The following ITGB6 variants were observed in gnomAD, a reference collection of about 807,000 sequenced individuals.
ITGB6 encodes the protein integrin beta-6.
In ITGB6, 80 loss-of-function variants were observed where a neutral mutation model predicts 84.5. The observed-to-expected ratio is 0.95, with a 90% CI of 0.79 to 1.14. ITGB6 has a LOEUF of 1.14. ITGB6 is among the 50% of genes most tolerant of loss of function. The pLI is 0.00. For synonymous variants in ITGB6, 383 were observed against 354.9 expected (o/e 1.08, Z -0.89); for missense variants, 1,006 against 968.0 (o/e 1.04, Z -0.52).
chr2:160,138,658 A>G (rs987734076), intron 8 of ITGB6, among the ~76,000 whole-genome samples: 4 of 152,200 alleles, frequency 2.6e-5, no homozygotes, highest in African/African-American at 9.6e-5. Flanking sequence ...CTTAGCTCCC[A>G]TAAATCAGCT....
At position 160,107,662 on chromosome 2, in the gene ITGB6, C is replaced by CA; in HGVS notation, c.2268+16_2268+17insT. On this transcript the variant is annotated intron_variant, in intron 14 of 14. Coordinates refer to ENST00000283249, the MANE Select transcript of ITGB6 (RefSeq NM_000888.5). ...CTTTCTCCCCTAGACAAGGAGTAGC[C>CA]CTAAGTTTCCACATACCGTTTGCCA... 1 of 1,613,166 alleles carries CA rather than the reference C, an allele frequency of 6.2e-7. No individual in the cohort carries two copies. The highest frequency in any genetic ancestry group is 8.5e-7 in the Non-Finnish European group (1 of 1,179,246).
At chr2:160,151,085 A>G (rs1056895084) in intron 7 of ITGB6, among the ~76,000 whole-genome samples, 6 of 152,156 alleles carry the variant, frequency 3.9e-5, no homozygotes, top group African/African-American at 1.4e-4. Context: ...CAGCTCTGCA[A>G]CAAGCAGACC....
At chr2:160,125,895 G>C (rs981487020) in intron 11 of ITGB6, among the ~76,000 whole-genome samples, 1 of 152,160 alleles carries the variant, frequency 6.6e-6, no homozygotes, top group African/African-American at 2.4e-5. Flanking sequence ...GGAGAGAATT[G>C]AAAGCTAAGA....
At chr2:160,121,283 A>G (rs986838803) in intron 12 of ITGB6, among the ~76,000 whole-genome samples, 6 of 152,324 alleles carry the variant, frequency 3.9e-5, no homozygotes, top group African/African-American at 7.2e-5. Context: ...TCCCCTTGCC[A>G]TTCCTGATGA....
At chr2:160,197,483 G>A (rs1686389953) in intron 2 of ITGB6, among the ~76,000 whole-genome samples, 2 of 152,056 alleles carry the variant, frequency 1.3e-5, no homozygotes, top group South Asian at 4.2e-4. Context: ...CTTTAGAGTG[G>A]GCATGACACT....
At chr2:160,185,403 G>A (rs1257651216) in intron 4 of ITGB6, among the ~76,000 whole-genome samples, 1 of 152,078 alleles carries the variant, frequency 6.6e-6, no homozygotes, top group Non-Finnish European at 1.5e-5. Flanking sequence ...ACAATACCTA[G>A]GAATCCAACT....
At chr2:160,166,391 G>T (rs890086265) in intron 7 of ITGB6, among the ~76,000 whole-genome samples, 11 of 152,110 alleles carry the variant, frequency 7.2e-5, no homozygotes, top group Admixed American at 5.9e-4. Flanking sequence ...AATAGCTATA[G>T]GATATTTTAA....
intron 7 of ITGB6, 73 bp from the exon 8 acceptor site, chr2:160,142,144 C>T: frequency 2.1e-6 from 2 of 942,178 alleles, no homozygotes; most frequent in South Asian, 1.5e-5. Flanking sequence ...TTTGAGCCTG[C>T]TGGCTATGAT....
chr2:160,185,125 G>C (rs1212261738), intron 4 of ITGB6, among the ~76,000 whole-genome samples: 1 of 152,102 alleles, frequency 6.6e-6, no homozygotes, highest in African/African-American at 2.4e-5. Flanking sequence ...GGAAGTTTTG[G>C]CCAGGGCAAT....
In ITGB6 at chr2:160,172,628, G is replaced by A. The variant is rs775695114; in HGVS notation, c.862C>T (p.Pro288Ser). ...MDSKLAGIVI[P>S]NDGLCHLDSK... Reference sequence around the variant, plus strand: ...TCCAAGTGACAGAGCCCGTCATTAGGAATGACGATGCCTGCTAGTTTGCTG... The same window carrying A: ...TCCAAGTGACAGAGCCCGTCATTAGAAATGACGATGCCTGCTAGTTTGCTG... The change falls in exon 6 of 15, where the codon CCT becomes TCT. Residue 288 changes from proline (P) to serine (S), a missense_variant. Physicochemically the swap from Pro to Ser is moderately conservative, Grantham distance 74 (BLOSUM62 -1). Transcript: ENST00000283249. The A allele has an allele frequency of 6.2e-7, 1 of 1,611,854 alleles. No homozygotes were observed. The highest frequency in any genetic ancestry group is 1.1e-5 in the South Asian group (1 of 90,938).
At chr2:160,118,823 A>G (rs1055774842) in intron 12 of ITGB6, among the ~76,000 whole-genome samples, 2 of 152,118 alleles carry the variant, frequency 1.3e-5, no homozygotes, top group Non-Finnish European at 2.9e-5. Flanking sequence ...AAAATCTCAG[A>G]ATACAAAATC....
intron 5 of ITGB6, among the ~76,000 whole-genome samples, chr2:160,173,669 G>T (rs1333475245): frequency 2.6e-5 from 4 of 152,000 alleles, no homozygotes; most frequent in Non-Finnish European, 4.4e-5. Flanking sequence ...TTTTTATCAT[G>T]ATTAATCCAA....
intron 14 of ITGB6, among the ~76,000 whole-genome samples, chr2:160,107,222 T>C (rs988317943): frequency 6.6e-6 from 1 of 152,222 alleles, no homozygotes; most frequent in African/African-American, 2.4e-5. Flanking sequence ...TGTAACCTAT[T>C]ATATCAGAAA....
intron 10 of ITGB6, among the ~76,000 whole-genome samples, chr2:160,134,483 G>T (rs1427747121): frequency 6.6e-6 from 1 of 152,140 alleles, no homozygotes; most frequent in African/African-American, 2.4e-5. Context: ...GGTACAAGGA[G>T]GAGCTGGTAC....
chr2:160,137,656 C>A lies in ITGB6; in HGVS notation c.1438G>T (p.Ala480Ser), dbSNP rs760699404. 9 of 1,614,206 alleles carry A rather than the reference C, an allele frequency of 5.6e-6. No homozygotes were observed. Among genetic ancestry groups the A allele is most frequent in the Non-Finnish European group, 6.8e-6 (8 of 1,180,028 alleles). Residue 480 changes from alanine to serine, a missense_variant, in exon 10 of 15, where the codon GCC becomes TCC. By Grantham distance (99) the Ala-to-Ser change is moderately conservative (BLOSUM62 1). Transcript: ENST00000283249. ...GGCCCCATGTGGCCAGGGTGGCAGGCACACACCCCACACTGGAAAGAGCCG... is the reference window on the plus strand; with the variant it reads ...GGCCCCATGTGGCCAGGGTGGCAGGAACACACCCCACACTGGAAAGAGCCG... ...GNGSFQCGVCACHPGHMGPRC... is the reference protein window; with the variant it reads ...GNGSFQCGVCSCHPGHMGPRC...
intron 10 of ITGB6, among the ~76,000 whole-genome samples, chr2:160,131,875 C>A (rs1683482509): frequency 6.6e-6 from 1 of 152,104 alleles, no homozygotes. Flanking sequence ...TAGTTTATTT[C>A]TGTTCCTCAT....
intron 11 of ITGB6, among the ~76,000 whole-genome samples, chr2:160,126,123 C>T (rs1683230304): frequency 6.6e-6 from 1 of 152,186 alleles, no homozygotes; most frequent in Admixed American, 6.5e-5. Flanking sequence ...GACATCAGCT[C>T]TACTTCCCCA....
chr2:160,112,256 T>C (rs1682567563), intron 12 of ITGB6, 57 bp from the exon 13 acceptor site: 1 of 1,480,314 alleles, frequency 6.8e-7, no homozygotes. Flanking sequence ...AGATTGTTTT[T>C]AAAACAAAGT....
chr2:160,154,980 G>A lies in ITGB6; in HGVS notation c.1018-12909C>T, dbSNP rs116647149. Among the ~76,000 whole-genome samples, 353 of 152,238 alleles carry A rather than the reference G, an allele frequency of 2.3e-3. 1 individual carries two copies. The highest frequency in any genetic ancestry group is 7.8e-3 in the African/African-American group (322 of 41,524). The stretch of plus-strand genomic sequence containing the variant: ...GTTTCCCCTTGCTGTTTTCGTGATA[G>A]TGAGTGAGGTCTCATGAGATCTGGT... On this transcript the variant is annotated intron_variant, in intron 7 of 14. Coordinates refer to ENST00000283249, the MANE Select transcript of ITGB6 (RefSeq NM_000888.5).
Sources: gnomAD v4.1 joint callset for allele counts (sites outside exome capture counted in the v4.1 genomes callset) on GRCh38, gnomAD v4.1.1 for gene constraint, MANE v1.5 for transcripts, NCBI Gene and HGNC (gene_info 2026-07-23, HGNC 2026-07-21) for gene names.